Variants in NCBP1 observed in about 807,000 individuals in gnomAD.
NCBP1 encodes nuclear cap binding protein subunit 1.
Under a neutral mutation model 111.7 loss-of-function variants are expected in NCBP1, and 16 were observed. That is an observed-to-expected ratio of 0.14 (90% CI 0.10 to 0.22). The LOEUF (loss-of-function observed/expected upper bound fraction) is 0.22, where lower values mean the gene tolerates loss of function less well. Among genes scored for constraint, NCBP1 ranks in the 10% least tolerant of loss-of-function variants. The pLI is 1.00. For synonymous variants in NCBP1, 304 were observed against 314.3 expected (o/e 0.97, Z 0.35); for missense variants, 607 against 957.5 (o/e 0.63, Z 4.83).
intron 19 of NCBP1, 30 bp from the exon 20 acceptor site, chr9:97,666,733 T>TA: frequency 7.1e-7 from 1 of 1,409,304 alleles, no homozygotes; most frequent in Non-Finnish European, 9.8e-7. Context: ...TAGCTTGACA[T>TA]ACAGTAACCA....
chr9:97,667,170 G>A (rs1430834377), intron 20 of NCBP1, among the ~76,000 whole-genome samples: 1 of 152,158 alleles, frequency 6.6e-6, no homozygotes, highest in Admixed American at 6.5e-5. Context: ...AGTAGCAGAA[G>A]GGAAGAGGAC....
chr9:97,651,214 CT>C (rs1827488981), intron 9 of NCBP1, 95 bp from the exon 10 acceptor site: 1 of 906,008 alleles, frequency 1.1e-6, no homozygotes, highest in African/African-American at 1.7e-5. Context: ...AAAGATTTTT[CT>C]TTGCTTATAT....
chr9:97,670,750 G>C (rs760383949), intron 22 of NCBP1, among the ~76,000 whole-genome samples: 1 of 152,184 alleles, frequency 6.6e-6, no homozygotes, highest in East Asian at 1.9e-4. Context: ...AATGTATTAT[G>C]CCCTGACTGG....
Position 97,647,527 on chromosome 9 carries a change from T to C in NCBP1, c.647T>C (p.Val216Ala). 6.2e-7 allele frequency: 1 copy of C among 1,613,378 alleles called. No homozygotes were observed. The highest frequency in any genetic ancestry group is 8.5e-7 in the Non-Finnish European group (1 of 1,179,536). Residue 216 changes from valine to alanine, a missense_variant, in exon 7 of 23, where the codon GTA (valine) becomes GCA (alanine). Physicochemically the swap from Val to Ala is moderately conservative, Grantham distance 64. Coordinates refer to ENST00000375147, the MANE Select transcript of NCBP1 (RefSeq NM_002486.5). The part of the protein sequence containing the change: ...RQKTHVPMLQ[V>A]WTADKPHPQE... ...AAGACTCATGTACCCATGTTACAGGTATGGACTGCTGATAAACCACATCCA... is the reference window on the plus strand; with the variant it reads ...AAGACTCATGTACCCATGTTACAGGCATGGACTGCTGATAAACCACATCCA...
chr9:97,671,428 A>G lies in NCBP1; in HGVS notation c.*229A>G, dbSNP rs1828190629. The G allele has an allele frequency of 4.6e-6, 2 of 431,744 alleles. No individual in the cohort carries two copies. Among genetic ancestry groups the G allele is most frequent in the Non-Finnish European group, 8.3e-6 (2 of 240,728 alleles). 26.7% of individuals were successfully genotyped at this position (431,744 alleles called of 1,614,324 possible). On this transcript the variant is annotated 3_prime_UTR_variant, in exon 23 of 23. Coordinates refer to ENST00000375147, the MANE Select transcript of NCBP1 (RefSeq NM_002486.5). ...GACCATGATATATTATATATGTGAC[A>G]GATACAAATTCTCTGTGATCAGTTT... is the stretch of plus-strand genomic sequence containing the variant.
intron 18 of NCBP1, among the ~76,000 whole-genome samples, chr9:97,663,750 G>A (rs1827907886): frequency 6.6e-6 from 1 of 151,730 alleles, no homozygotes; most frequent in African/African-American, 2.4e-5. Context: ...CTCCCAAAGT[G>A]TGCTAGATTA....
chr9:97,641,699 T>C, intron 3 of NCBP1, 37 bp downstream of exon 3: 2 of 1,542,408 alleles, frequency 1.3e-6, no homozygotes, highest in Non-Finnish European at 1.8e-6. Context: ...CAGGTGATAA[T>C]GTATTATCTA....
chr9:97,655,828 C>A, intron 13 of NCBP1, 64 bp downstream of exon 13: 1 of 1,455,422 alleles, frequency 6.9e-7, no homozygotes, highest in Non-Finnish European at 9.4e-7. Flanking sequence ...AAAACTGTAA[C>A]ATAAAAGTGT....
chr9:97,645,809 C>A, intron 6 of NCBP1, 77 bp downstream of exon 6: 1 of 1,519,082 alleles, frequency 6.6e-7, no homozygotes, highest in Non-Finnish European at 9.0e-7. Flanking sequence ...TTGAGTTTCT[C>A]AAAAATAAGC....
At position 97,662,073 on chromosome 9, in the gene NCBP1, A is replaced by G. The variant is rs1315299106; in HGVS notation, c.1632A>G (p.Ile544Met). The stretch of plus-strand genomic sequence containing the variant: ...GATTCAGTTTTAACCCATTGAAAAT[A>G]GAAGTCTTTGTACAGACTCTGCTAC... ...DEGFSFNPLK[I>M]EVFVQTLLHL... Residue 544 changes from isoleucine to methionine, a missense_variant, in exon 17 of 23, where the codon ATA becomes ATG. Around this residue, in one of 9 missense-constraint regions of NCBP1, gnomAD observed 282 missense variants for 376.5 expected, o/e 0.75. Coordinates refer to ENST00000375147, the MANE Select transcript of NCBP1 (RefSeq NM_002486.5). 1.9e-6 allele frequency: 3 copies of G among 1,613,812 alleles called. No individual in the cohort carries two copies. The highest frequency in any genetic ancestry group is 2.5e-6 in the Non-Finnish European group (3 of 1,179,702).
At chr9:97,647,599 C>T in intron 7 of NCBP1, 38 bp downstream of exon 7, 1 of 1,500,288 alleles carries the variant, frequency 6.7e-7, no homozygotes, top group African/African-American at 1.4e-5. Flanking sequence ...CAAACACAGT[C>T]AGCTCTTGAA....
chr9:97,645,918 C>A (rs1263484616), intron 6 of NCBP1, among the ~76,000 whole-genome samples, 186 bp downstream of exon 6: 2 of 152,158 alleles, frequency 1.3e-5, no homozygotes, highest in African/African-American at 2.4e-5. Flanking sequence ...CTTACTTTTG[C>A]CAGTGCAAAG....
At chr9:97,661,138 G>T in intron 16 of NCBP1, 70 bp downstream of exon 16, 1 of 1,571,650 alleles carries the variant, frequency 6.4e-7, no homozygotes. Flanking sequence ...CATAACTCTG[G>T]CAACATGATG....
At position 97,671,457 on chromosome 9, in the gene NCBP1, AT is replaced by A; in HGVS notation, c.*266del. The A allele has an allele frequency of 7.4e-5, 27 of 363,536 alleles. No homozygotes were observed. The highest frequency in any genetic ancestry group is 2.8e-4 in the East Asian group (5 of 17,750). 22.5% of individuals were successfully genotyped at this position (363,536 alleles called of 1,614,324 possible). A position where few individuals can be genotyped will look rare whatever the true frequency, so the allele number is the denominator to read the frequency against. On this transcript the variant is annotated 3_prime_UTR_variant, in exon 23 of 23. Transcript: ENST00000375147. ...ACAAATTCTCTGTGATCAGTTTGTT[AT>A]TTTTTTTCTCCTTAAGGCACAAAAT...
intron 19 of NCBP1, among the ~76,000 whole-genome samples, chr9:97,665,200 G>A (rs1827958656): frequency 6.6e-6 from 1 of 152,226 alleles, no homozygotes; most frequent in African/African-American, 2.4e-5. Context: ...GATAGGGTGT[G>A]ATCTAAGGTT....
rs1827819485 is a variant in NCBP1, at chr9:97,661,019, C to A, written c.1551C>A (p.Ile517=). ...AAAGTAAGGCAACCAATGATGAAAT[C>A]TTCAGCATTCTGAAAGATGTACCAA... ...AFKSKATNDE[I]FSILKDVPNP... Residue 517 remains isoleucine, a synonymous_variant, in exon 16 of 23, where the codon ATC becomes ATA. Transcript: ENST00000375147. The A allele has an allele frequency of 1.2e-6, 2 of 1,612,798 alleles. No individual in the cohort carries two copies. Among genetic ancestry groups the A allele is most frequent in the Non-Finnish European group, 1.7e-6 (2 of 1,179,698 alleles).
At chr9:97,658,517 T>A in intron 14 of NCBP1, 123 bp from the exon 15 acceptor site, 2 of 723,912 alleles carry the variant, frequency 2.8e-6, no homozygotes, top group South Asian at 3.4e-5. Context: ...TTTTTTCCCT[T>A]TCACTTCTTG....
chr9:97,641,146 T>TAAATC (rs1266880584), intron 2 of NCBP1, among the ~76,000 whole-genome samples: 2 of 152,144 alleles, frequency 1.3e-5, no homozygotes, highest in Non-Finnish European at 2.9e-5. Context: ...ATGCATGAAC[T>TAAATC]AAATCAGCCC....
Position 97,668,839 on chromosome 9 carries a change from T to C in NCBP1, c.2017-7T>C. On this transcript the variant is annotated splice_region_variant and splice_polypyrimidine_tract_variant and intron_variant, in intron 20 of 22. Coordinates refer to ENST00000375147, the MANE Select transcript of NCBP1 (RefSeq NM_002486.5). ...GTATTTTCCTTTTGTTCATTTGCCT[T>C]CTATAGCGAAGTGATGATGACGACA... 1 of 1,608,884 alleles carries C rather than the reference T, an allele frequency of 6.2e-7. No homozygotes were observed. Among genetic ancestry groups the C allele is most frequent in the Non-Finnish European group, 8.5e-7 (1 of 1,178,572 alleles).
Sources: gnomAD v4.1 joint callset for allele counts (sites outside exome capture counted in the v4.1 genomes callset) on GRCh38, gnomAD v4.1.1 for gene constraint, gnomAD v4.1.1 regional missense constraint, MANE v1.5 for transcripts, NCBI Gene and HGNC (gene_info 2026-07-23, HGNC 2026-07-21) for gene names.